ATPSCKMT: variants seen among roughly 807,000 people sequenced by gnomAD.
ATPSCKMT encodes ATP synthase c subunit lysine N-methyltransferase.
Under a neutral mutation model 24.3 loss-of-function variants are expected in ATPSCKMT, and 24 were observed. The ratio of observed to expected loss-of-function variants is 0.99; its 90% confidence interval spans 0.71 to 1.39. The LOEUF (loss-of-function observed/expected upper bound fraction) is 1.39, where lower values mean the gene tolerates loss of function less well. Among genes scored for constraint, ATPSCKMT ranks in the 40% most tolerant of loss-of-function variants. The pLI is 0.00. For missense variants in ATPSCKMT, 311 were observed against 298.4 expected (o/e 1.04, Z -0.31); for synonymous variants, 95 against 110.5 (o/e 0.86, Z 0.88).
At chr5:10,234,895 A>ATTTCAC (rs1744305777) in intron 4 of ATPSCKMT, among the ~76,000 whole-genome samples, 2 of 152,242 alleles carry the variant, frequency 1.3e-5, no homozygotes, top group Non-Finnish European at 2.9e-5. Context: ...AGCGAAGTGG[A>ATTTCAC]AGTGAGCGGC....
intron 1 of ATPSCKMT, 99 bp downstream of exon 1, chr5:10,249,759 A>C: frequency 6.8e-7 from 1 of 1,473,172 alleles, no homozygotes; most frequent in East Asian, 2.3e-5. Flanking sequence ...GCACCCGGTC[A>C]CCGCCTCGAC....
intron 2 of ATPSCKMT, 34 bp downstream of exon 2, chr5:10,239,033 G>A: frequency 1.3e-6 from 2 of 1,592,530 alleles, no homozygotes; most frequent in Non-Finnish European, 1.7e-6. Flanking sequence ...TTAAGTTCTG[G>A]TTTCAAACCT....
chr5:10,237,788 C>A (rs971726086), intron 2 of ATPSCKMT, among the ~76,000 whole-genome samples: 2 of 152,082 alleles, frequency 1.3e-5, no homozygotes, highest in Non-Finnish European at 2.9e-5. Flanking sequence ...GCTCTGTCAC[C>A]CAGGCTGGAG....
rs746407051 is a variant in ATPSCKMT, at chr5:10,239,068, A to G, written c.305T>C (p.Ile102Thr). ...TTAAAATGTTTTAGCAGAACTCACA[A>G]TGCGTCCGTCCCCACTACCGATGTC... ...LVDIGSGDGRIVIAAAKKGFT... is the reference protein window; with the variant it reads ...LVDIGSGDGRTVIAAAKKGFT... Residue 102 changes from isoleucine (I) to threonine (T), a missense_variant and splice_region_variant, in exon 2 of 5, where the codon ATT becomes ACT. Ile to Thr is a moderately conservative substitution (Grantham distance 89, BLOSUM62 -1). Coordinates refer to ENST00000511437, the MANE Select transcript of ATPSCKMT (RefSeq NM_199133.4). 2 of 1,611,932 alleles carry G rather than the reference A, an allele frequency of 1.2e-6. No individual in the cohort carries two copies. Among genetic ancestry groups the G allele is most frequent in the Non-Finnish European group, 8.5e-7 (1 of 1,178,594 alleles).
chr5:10,239,885 C>G (rs1279941432), intron 1 of ATPSCKMT, among the ~76,000 whole-genome samples: 1 of 151,036 alleles, frequency 6.6e-6, no homozygotes, highest in Non-Finnish European at 1.5e-5. Flanking sequence ...TACCAAATAT[C>G]TTAAATAAGT....
chr5:10,243,534 GCTAGATCTT>G (rs953142472), intron 1 of ATPSCKMT, among the ~76,000 whole-genome samples: 2 of 151,916 alleles, frequency 1.3e-5, no homozygotes, highest in Admixed American at 1.3e-4. Flanking sequence ...AACAATCTTA[GCTAGATCTT>G]CTAGATAACT....
rs1348129995 is a variant in ATPSCKMT at position 10,240,144 on chromosome 5, G to A, written c.17-788C>T. Among the ~76,000 whole-genome samples, 12 of 151,570 alleles carry A rather than the reference G, an allele frequency of 7.9e-5. No individual in the cohort carries two copies. In the East Asian group the frequency reaches 1.2e-3, roughly 15 times the overall value. On this transcript the variant is annotated intron_variant, in intron 1 of 4. Coordinates refer to ENST00000511437, the MANE Select transcript of ATPSCKMT (RefSeq NM_199133.4). ...AGCTACTCAGGAGGCTGAGGCAGGA[G>A]AATGGCATGAACCCGGGAGGTGGAG...
At chr5:10,229,149 AAC>A (rs1206760998) in intron 4 of ATPSCKMT, among the ~76,000 whole-genome samples, 1 of 152,260 alleles carries the variant, frequency 6.6e-6, no homozygotes, top group Non-Finnish European at 1.5e-5. Flanking sequence ...AATTCCAAAT[AAC>A]ACTGCGATTC....
chr5:10,247,829 T>C (rs572579782), intron 1 of ATPSCKMT, among the ~76,000 whole-genome samples: 6 of 152,344 alleles, frequency 3.9e-5, no homozygotes, highest in East Asian at 1.9e-4. Context: ...GCTACTTTCA[T>C]TGAGCACTTA....
At chr5:10,246,763 G>A (rs1207911596) in intron 1 of ATPSCKMT, among the ~76,000 whole-genome samples, 1 of 152,214 alleles carries the variant, frequency 6.6e-6, no homozygotes, top group Middle Eastern at 3.2e-3. Flanking sequence ...GTAATAAAAA[G>A]TTCCTGTTCT....
In ATPSCKMT at chr5:10,235,365, G is replaced by A. The variant is rs141568357; in HGVS notation, c.445-104C>T. ...GTAGCAGTTTTCCATTTTACCAAAC[G>A]GTGGGTTTTGATGAACTCCTAAGAA... On this transcript the variant is annotated intron_variant, in intron 3 of 4. Coordinates refer to ENST00000511437, the MANE Select transcript of ATPSCKMT (RefSeq NM_199133.4). The A allele has an allele frequency of 3.9e-4, 387 of 1,003,812 alleles. 1 individual carries two copies. Among genetic ancestry groups the A allele is most frequent in the Admixed American group, 8.1e-4 (40 of 49,606 alleles). 62.2% of individuals were successfully genotyped at this position (1,003,812 alleles called of 1,614,324 possible). A position where few individuals can be genotyped will look rare whatever the true frequency, so the allele number is the denominator to read the frequency against.
intron 4 of ATPSCKMT, among the ~76,000 whole-genome samples, chr5:10,230,180 A>G (rs974423519): frequency 6.6e-6 from 1 of 152,198 alleles, no homozygotes; most frequent in Non-Finnish European, 1.5e-5. Context: ...CTAAATTCTA[A>G]TTCTTCATTA....
intron 3 of ATPSCKMT, 124 bp from the exon 4 acceptor site, chr5:10,235,385 T>A: frequency 1.4e-6 from 1 of 737,992 alleles, no homozygotes; most frequent in Non-Finnish European, 2.4e-6. Context: ...GATGAACTCC[T>A]AAGAACAGCG....
chr5:10,245,975 TTTC>T (rs1435758662), intron 1 of ATPSCKMT, among the ~76,000 whole-genome samples: 3 of 152,188 alleles, frequency 2.0e-5, no homozygotes, highest in Non-Finnish European at 2.9e-5. Flanking sequence ...TAATTTAATG[TTTC>T]TTTTTATATT....
chr5:10,241,382 G>A (rs183388259), intron 1 of ATPSCKMT, among the ~76,000 whole-genome samples: 249 of 152,218 alleles, frequency 1.6e-3, no homozygotes, highest in Middle Eastern at 0.01. Flanking sequence ...CATGAACTAC[G>A]GCAATCTATT....
intron 1 of ATPSCKMT, among the ~76,000 whole-genome samples, chr5:10,240,423 T>C (rs925875803): frequency 6.6e-6 from 1 of 152,118 alleles, no homozygotes; most frequent in African/African-American, 2.4e-5. Flanking sequence ...AAATTGATTT[T>C]AAAATTGATT....
At chr5:10,236,293 T>C in intron 3 of ATPSCKMT, 185 bp downstream of exon 3, 1 of 571,930 alleles carries the variant, frequency 1.7e-6, no homozygotes, top group Non-Finnish European at 2.7e-6. Flanking sequence ...ATAAAAACTT[T>C]AAGCTTCTCT....
chr5:10,236,786 C>T (rs998231939), intron 2 of ATPSCKMT, 171 bp from the exon 3 acceptor site: 15 of 1,472,676 alleles, frequency 1.0e-5, no homozygotes, highest in East Asian at 1.0e-4. Context: ...TTGTGGACAA[C>T]GTAATAGTCA....
At chr5:10,247,999 A>G (rs926305334) in intron 1 of ATPSCKMT, among the ~76,000 whole-genome samples, 25 of 152,208 alleles carry the variant, frequency 1.6e-4, no homozygotes, top group African/African-American at 6.0e-4. Context: ...ACAATAAGGT[A>G]CCCAAGGTTC....
Sources: allele counts gnomAD v4.1 joint callset (sites outside exome capture counted in the v4.1 genomes callset), GRCh38; gene constraint gnomAD v4.1.1; transcripts MANE v1.5; gene names NCBI Gene and HGNC (gene_info 2026-07-23, HGNC 2026-07-21).